Variants in PCDHGB3 observed in about 807,000 individuals in gnomAD.
PCDHGB3 encodes protocadherin gamma subfamily B, 3.
In PCDHGB3, 40 loss-of-function variants were observed where a neutral mutation model predicts 59.2. The ratio of observed to expected loss-of-function variants is 0.68; its 90% CI spans 0.52 to 0.88. The LOEUF (loss-of-function observed/expected upper bound fraction) is 0.88, where lower values mean the gene tolerates loss of function less well. PCDHGB3 is among the 40% of genes least tolerant of loss of function. The probability of loss-of-function intolerance (pLI) is 0.00; values close to 1 mark genes in which losing one functional copy is unlikely to be tolerated. For synonymous variants in PCDHGB3, 581 were observed against 503.6 expected (o/e 1.15, Z -2.06); for missense variants, 1,309 against 1,187.9 (o/e 1.10, Z -1.50).
chr5:141,490,811 A>G lies in PCDHGB3; in HGVS notation c.2416-3996A>G, dbSNP rs750702067. The G allele has an allele frequency of 1.2e-6, 2 of 1,613,918 alleles. No homozygotes were observed. The highest frequency in any genetic ancestry group is 8.5e-7 in the Non-Finnish European group (1 of 1,179,884). On this transcript the variant is annotated intron_variant, in intron 1 of 3. Coordinates refer to ENST00000576222, the MANE Select transcript of PCDHGB3 (RefSeq NM_018924.5). This position sits in a 1 kb window ranked among gnomAD's most constrained non-coding sequence, Gnocchi z 5.4. ...ATCTTTGCCCAGCGTACCTTTGACTATGAATTGCTGCAGATGCTGCAGATT... is the reference window on the plus strand; with the variant it reads ...ATCTTTGCCCAGCGTACCTTTGACTGTGAATTGCTGCAGATGCTGCAGATT...
At chr5:141,438,334 A>G (rs756299924) in intron 1 of PCDHGB3, among the ~76,000 whole-genome samples, 6 of 151,946 alleles carry the variant, frequency 3.9e-5, no homozygotes, top group Non-Finnish European at 7.4e-5. Context: ...TATACATGTC[A>G]TATAAGGATC....
intron 1 of PCDHGB3, among the ~76,000 whole-genome samples, chr5:141,437,842 A>G (rs1372385076): frequency 2.0e-5 from 3 of 150,650 alleles, no homozygotes; most frequent in East Asian, 3.9e-4. Context: ...GGTTCATGCT[A>G]TTCTCCTGCC....
intron 1 of PCDHGB3, chr5:141,422,314 C>T: frequency 6.5e-7 from 1 of 1,547,838 alleles, no homozygotes; most frequent in Non-Finnish European, 8.7e-7. Context: ...AAACTCTCCT[C>T]CAGGTACAGT....
At chr5:141,376,267 G>T (rs1021502624) in intron 1 of PCDHGB3, 2 of 1,614,210 alleles carry the variant, frequency 1.2e-6, no homozygotes. Flanking sequence ...TGCAGGCTTC[G>T]GGAGGTGGCT....
At chr5:141,385,369 G>A in intron 1 of PCDHGB3, 1 of 1,532,174 alleles carries the variant, frequency 6.5e-7, no homozygotes, top group East Asian at 2.3e-5. Flanking sequence ...TTATTTGCAT[G>A]ATATTTCTCT....
intron 1 of PCDHGB3, chr5:141,410,784 G>T (rs1352997810): frequency 1.2e-6 from 1 of 817,034 alleles, no homozygotes; most frequent in Non-Finnish European, 1.7e-6. Context: ...CTATGTATTT[G>T]GTTCATAAGT....
intron 1 of PCDHGB3, chr5:141,399,003 A>T: frequency 6.2e-7 from 1 of 1,613,966 alleles, no homozygotes; most frequent in Non-Finnish European, 8.5e-7. Context: ...GTCTGAATTC[A>T]AAGAGCGGAG....
intron 1 of PCDHGB3, chr5:141,423,833 T>G: frequency 1.8e-5 from 23 of 1,262,362 alleles, no homozygotes; most frequent in East Asian, 7.3e-5. Flanking sequence ...TTCATGAGAT[T>G]ACGATAATCT....
At chr5:141,481,587 G>A (rs1276529821) in intron 1 of PCDHGB3, among the ~76,000 whole-genome samples, 1 of 152,198 alleles carries the variant, frequency 6.6e-6, no homozygotes, top group African/African-American at 2.4e-5. Context: ...GGAGGCTGAG[G>A]CCAGCGGATC....
chr5:141,414,934 G>A (rs1473788181), intron 1 of PCDHGB3: 1 of 1,614,146 alleles, frequency 6.2e-7, no homozygotes, highest in South Asian at 1.1e-5. Context: ...CCGCTCCGCA[G>A]AGCCCGGCTA....
chr5:141,404,533 T>A, intron 1 of PCDHGB3: 2 of 1,613,926 alleles, frequency 1.2e-6, no homozygotes. Flanking sequence ...AGTTTAGAGA[T>A]TTGCAAATGC....
At chr5:141,407,590 T>C (rs186034148) in intron 1 of PCDHGB3, among the ~76,000 whole-genome samples, 64 of 152,240 alleles carry the variant, frequency 4.2e-4, no homozygotes, top group Non-Finnish European at 7.1e-4. Context: ...CCTTAATGTC[T>C]CATCTTAAAA....
At chr5:141,419,297 G>A (rs1460451634) in intron 1 of PCDHGB3, 1 of 1,614,048 alleles carries the variant, frequency 6.2e-7, no homozygotes, top group Admixed American at 1.7e-5. Context: ...CTCTGACCCA[G>A]ACTTCGGGCT....
At chr5:141,501,516 C>T (rs763346187) in intron 2 of PCDHGB3, among the ~76,000 whole-genome samples, 1 of 152,010 alleles carries the variant, frequency 6.6e-6, no homozygotes, top group African/African-American at 2.4e-5. Context: ...GGCCTCCAAG[C>T]TGAAGCCCAG....
At chr5:141,384,960 T>C in intron 1 of PCDHGB3, 4 of 1,613,970 alleles carry the variant, frequency 2.5e-6, no homozygotes, top group Non-Finnish European at 3.4e-6. Flanking sequence ...CTTACAACTA[T>C]GACCTCACGT....
chr5:141,444,915 T>C (rs1262912255), intron 1 of PCDHGB3, among the ~76,000 whole-genome samples: 1 of 152,174 alleles, frequency 6.6e-6, no homozygotes, highest in East Asian at 1.9e-4. Flanking sequence ...TCTATACCTT[T>C]ATCAGGGAAA....
intron 1 of PCDHGB3, chr5:141,417,834 G>A (rs1382990900): frequency 2.0e-6 from 3 of 1,530,144 alleles, no homozygotes; most frequent in Middle Eastern, 3.5e-4. Context: ...GGAAAAGCGG[G>A]GACCCAGCGA....
In PCDHGB3 at chr5:141,432,782, C is replaced by A. The variant is rs547164205; in HGVS notation, c.2415+59973C>A. 6.2e-7 allele frequency: 1 copy of A among 1,614,164 alleles called. No homozygotes were observed. Among genetic ancestry groups the A allele is most frequent in the African/African-American group, 1.3e-5 (1 of 75,052 alleles). ...CAGCATCCCCCAAGTCCTGGCGGAC[C>A]TCGGCAGCCTCGAGTCTCCAGCTAA... On this transcript the variant is annotated intron_variant, in intron 1 of 3. Coordinates refer to ENST00000576222, the MANE Select transcript of PCDHGB3 (RefSeq NM_018924.5). This position sits in a 1 kb window ranked among gnomAD's most constrained non-coding sequence, Gnocchi z 6.0.
Position 141,491,954 on chromosome 5 carries a change from C to A in PCDHGB3, c.2416-2853C>A. ...TGGGACCGACCCCCACCCCTACACT[C>A]AAAAAAGGCCGGGGCCTCCTTCGAG... On this transcript the variant is annotated intron_variant, in intron 1 of 3. Transcript: ENST00000576222. This position sits in a 1 kb window ranked among gnomAD's most constrained non-coding sequence, Gnocchi z 6.9. The A allele has an allele frequency of 9.7e-7, 1 of 1,032,914 alleles. No individual in the cohort carries two copies. Among genetic ancestry groups the A allele is most frequent in the Non-Finnish European group, 1.3e-6 (1 of 747,256 alleles). The allele number at this position is 1,032,914 out of a possible 1,614,324, so 64.0% of individuals were successfully genotyped here.
Sources: allele counts gnomAD v4.1 joint callset (sites outside exome capture counted in the v4.1 genomes callset), GRCh38; gene constraint gnomAD v4.1.1; non-coding constraint Gnocchi (gnomAD v3.1); transcripts MANE v1.5; gene names NCBI Gene and HGNC (gene_info 2026-07-23, HGNC 2026-07-21).